The following PUS7 variants were observed in gnomAD, a reference collection of about 807,000 sequenced individuals.
The protein encoded by PUS7 is pseudouridine synthase 7, also known as pseudouridylate synthase 7 homolog.
In PUS7, 48 loss-of-function variants were observed where a neutral mutation model predicts 79.8. That is an observed-to-expected ratio of 0.60 (90% CI 0.48 to 0.76). PUS7 has a LOEUF of 0.76. Among genes scored for constraint, PUS7 ranks in the 30% least tolerant of loss-of-function variants. The pLI is 0.00. For missense variants in PUS7, 729 were observed against 797.6 expected (o/e 0.91, Z 1.04); for synonymous variants, 286 against 272.2 (o/e 1.05, Z -0.50).
chr7:105,464,857 C>T (rs1425165947), intron 13 of PUS7, among the ~76,000 whole-genome samples: 6 of 142,614 alleles, frequency 4.2e-5, no homozygotes, highest in South Asian at 2.2e-4. Flanking sequence ...CTTGCTCTGT[C>T]GCTGAGGCTG....
At chr7:105,487,829 C>T (rs1824612771) in intron 7 of PUS7, among the ~76,000 whole-genome samples, 1 of 152,162 alleles carries the variant, frequency 6.6e-6, no homozygotes, top group Non-Finnish European at 1.5e-5. Flanking sequence ...TGAGACTGTT[C>T]CTGCCTGAGA....
intron 3 of PUS7, 60 bp downstream of exon 3, chr7:105,506,129 A>C: frequency 1.3e-5 from 19 of 1,508,160 alleles, no homozygotes; most frequent in Non-Finnish European, 1.6e-5. Context: ...TATATTTCTA[A>C]ATCTCTAGGA....
chr7:105,462,562 GC>G lies in PUS7; in HGVS notation c.1757+58del, dbSNP rs892174522. On this transcript the variant is annotated intron_variant, in intron 14 of 15. Transcript: ENST00000469408. ...AGTACATGACTCTATATAAAGTGAA[GC>G]AAAAGCTTACAACTTATATGGTAAT... 10 of 1,589,286 alleles carry G rather than the reference GC, an allele frequency of 6.3e-6. No individual in the cohort carries two copies. The African/African-American group carries it at 1.3e-4, about 21-fold the overall frequency.
intron 7 of PUS7, among the ~76,000 whole-genome samples, chr7:105,484,500 C>A (rs1437447387): frequency 1.6e-5 from 1 of 61,140 alleles, no homozygotes; most frequent in South Asian, 8.9e-4. Flanking sequence ...ATTCATGAAT[C>A]TTTTTTTCTT....
intron 7 of PUS7, among the ~76,000 whole-genome samples, chr7:105,484,960 T>C (rs897609841): frequency 6.8e-6 from 1 of 147,042 alleles, no homozygotes; most frequent in Non-Finnish European, 1.5e-5. Flanking sequence ...GCTCCTGAAA[T>C]CAAGGAATTA....
intron 1 of PUS7, among the ~76,000 whole-genome samples, chr7:105,514,463 G>T (rs1250129260): frequency 6.6e-6 from 1 of 150,964 alleles, no homozygotes; most frequent in Non-Finnish European, 1.5e-5. Flanking sequence ...AATTAGCTGG[G>T]CGTGGTGACG....
intron 4 of PUS7, among the ~76,000 whole-genome samples, chr7:105,503,996 C>T (rs892885383): frequency 6.6e-6 from 1 of 151,606 alleles, no homozygotes; most frequent in African/African-American, 2.4e-5. Context: ...TTTCATGACC[C>T]ATTAATGGGT....
At position 105,458,943 on chromosome 7, in the gene PUS7, T is replaced by A. The variant is rs1430657848; in HGVS notation, c.1849+225A>T. On this transcript the variant is annotated intron_variant, in intron 15 of 15. Transcript: ENST00000469408. ...GTGGGGGATGGGGAGAAATACTCCA[T>A]CACCTAATATCACAACCATCTATAA... Among the ~76,000 whole-genome samples the A allele has an allele frequency of 2.6e-5, 4 of 152,136 alleles. No homozygotes were observed. In the East Asian group the frequency reaches 7.7e-4, roughly 29 times the overall value.
At position 105,522,221 on chromosome 7, in the gene PUS7, C is replaced by G. The variant is rs1353630022; in HGVS notation, c.-202G>C. The G allele has an allele frequency of 6.6e-6, 1 of 151,866 alleles. No individual in the cohort carries two copies. Among genetic ancestry groups the G allele is most frequent in the African/African-American group, 2.4e-5 (1 of 41,406 alleles). 9.4% of individuals were successfully genotyped at this position (151,866 alleles called of 1,614,324 possible). A position where few individuals can be genotyped will look rare whatever the true frequency, so the allele number is the denominator to read the frequency against. ...ACCAGATGCGCTCCAGCCGACTCAC[C>G]GGCGGCCGGGCTCGCACACGTGCGG... On this transcript the variant is annotated 5_prime_UTR_variant, in exon 1 of 16. Transcript: ENST00000469408.
chr7:105,518,613 T>G (rs919160804), intron 1 of PUS7, among the ~76,000 whole-genome samples: 3 of 152,078 alleles, frequency 2.0e-5, no homozygotes, highest in Admixed American at 6.6e-5. Context: ...TGTTGCCCAC[T>G]AGTCTCAAAC....
chr7:105,457,573 AATTTAT>A lies in PUS7; in HGVS notation c.*211_*216del, dbSNP rs1823238318. 2.7e-6 allele frequency: 1 copy of A among 372,698 alleles called. No homozygotes were observed. The highest frequency in any genetic ancestry group is 4.7e-6 in the Non-Finnish European group (1 of 211,792). The allele number at this position is 372,698 out of a possible 1,614,324, so 23.1% of individuals were successfully genotyped here. ...TAAGCACCTGAAGTGTATTTTGACT[AATTTAT>A]ATTCTGAGCTAAAATTAAGAACCTC... is the stretch of plus-strand genomic sequence containing the variant. On this transcript the variant is annotated 3_prime_UTR_variant, in exon 16 of 16. Transcript: ENST00000469408.
chr7:105,518,033 A>G (rs1412489302), intron 1 of PUS7, among the ~76,000 whole-genome samples: 4 of 152,124 alleles, frequency 2.6e-5, no homozygotes, highest in Non-Finnish European at 1.5e-5. Context: ...CTGTAATCCC[A>G]GCTACTCAGG....
At chr7:105,479,305 A>AAATG (rs1293545808) in intron 9 of PUS7, among the ~76,000 whole-genome samples, 1 of 152,092 alleles carries the variant, frequency 6.6e-6, no homozygotes, top group Non-Finnish European at 1.5e-5. Flanking sequence ...AAAATCACAA[A>AAATG]AATGAATGCA....
intron 1 of PUS7, among the ~76,000 whole-genome samples, chr7:105,520,036 G>A (rs1411449856): frequency 6.6e-6 from 1 of 152,166 alleles, no homozygotes; most frequent in East Asian, 1.9e-4. Flanking sequence ...CAAAAGACAC[G>A]TTCAAGGCCG....
chr7:105,486,330 G>A (rs920677006), intron 7 of PUS7, among the ~76,000 whole-genome samples: 20 of 152,162 alleles, frequency 1.3e-4, no homozygotes, highest in African/African-American at 4.3e-4. Flanking sequence ...TGGGATTACA[G>A]GCGTGAGCCA....
intron 5 of PUS7, chr7:105,497,087 C>G: frequency 1.5e-6 from 1 of 668,578 alleles, no homozygotes; most frequent in Non-Finnish European, 1.9e-6. Flanking sequence ...CTGAGGACTT[C>G]TACAGCACCC....
chr7:105,463,247 T>A (rs1823507947), intron 13 of PUS7, among the ~76,000 whole-genome samples: 1 of 152,204 alleles, frequency 6.6e-6, no homozygotes, highest in Admixed American at 6.5e-5. Flanking sequence ...GCTTGCACAG[T>A]CATTAATGGG....
chr7:105,465,837 TAAAA>T (rs1823620424), intron 12 of PUS7, among the ~76,000 whole-genome samples: 1 of 144,910 alleles, frequency 6.9e-6, no homozygotes, highest in Non-Finnish European at 1.5e-5. Flanking sequence ...CCTCTCAAAA[TAAAA>T]AAGAAAGAAA....
intron 7 of PUS7, among the ~76,000 whole-genome samples, chr7:105,488,438 C>A (rs1463660974): frequency 6.6e-6 from 1 of 152,006 alleles, no homozygotes; most frequent in Non-Finnish European, 1.5e-5. Context: ...TGTGTTTTGA[C>A]CAGCAGATGG....
Sources: allele counts gnomAD v4.1 joint callset (sites outside exome capture counted in the v4.1 genomes callset), GRCh38; gene constraint gnomAD v4.1.1; transcripts MANE v1.5; gene names NCBI Gene and HGNC (gene_info 2026-07-23, HGNC 2026-07-21).